Variants in RERE observed in about 807,000 individuals in gnomAD.
The protein encoded by RERE is arginine-glutamic acid dipeptide repeats, also known as arginine-glutamic acid dipeptide repeats protein.
In RERE, 40 loss-of-function variants were observed where a neutral mutation model predicts 146.1. The ratio of observed to expected loss-of-function variants is 0.27; its 90% CI spans 0.21 to 0.36. The LOEUF (loss-of-function observed/expected upper bound fraction) is 0.36. Among genes scored for constraint, RERE ranks in the 10% least tolerant of loss-of-function variants. The pLI, the probability that RERE is intolerant of heterozygous loss-of-function variation, is 1.00. For missense variants in RERE, 1,933 were observed against 2,138.7 expected (o/e 0.90, Z 1.90); for synonymous variants, 1,003 against 866.0 (o/e 1.16, Z -2.78).
chr1:8,413,216 C>A (rs1643661568), intron 12 of RERE, among the ~76,000 whole-genome samples: 1 of 152,060 alleles, frequency 6.6e-6, no homozygotes, highest in Non-Finnish European at 1.5e-5. Context: ...AGGTCCCTGC[C>A]CAGAAGGCTT....
chr1:8,769,301 A>G (rs1425330012), intron 1 of RERE, among the ~76,000 whole-genome samples: 4 of 152,206 alleles, frequency 2.6e-5, no homozygotes, highest in African/African-American at 9.6e-5. Flanking sequence ...GATTTAAAAT[A>G]CTGCACTTCC....
In RERE at chr1:8,356,387, G is replaced by A. The variant is rs532539267; in HGVS notation, c.4340-141C>T. The A allele has an allele frequency of 4.9e-6, 5 of 1,023,314 alleles. No individual in the cohort carries two copies. The highest frequency in any genetic ancestry group is 6.6e-5 in the East Asian group (2 of 30,458). 63.4% of individuals were successfully genotyped at this position (1,023,314 alleles called of 1,614,324 possible). ...GGCTGGATGCACCACCTGGCTACAG[G>A]TGGCCCTGCCCCAAAGTGGCTGCCT... On this transcript the variant is annotated intron_variant, in intron 20 of 22. Coordinates refer to ENST00000400908, the MANE Select transcript of RERE (RefSeq NM_001042681.2). This position sits in a 1 kb window ranked among gnomAD's most constrained non-coding sequence, Gnocchi z 5.2.
At chr1:8,649,729 CAA>C (rs112009419) in intron 2 of RERE, among the ~76,000 whole-genome samples, 2,093 of 78,672 alleles carry the variant, frequency 0.027, 46 homozygotes, top group African/African-American at 0.092. Flanking sequence ...GACTCCGTCT[CAA>C]AAAAAAAAAA....
chr1:8,695,293 C>G (rs1022697986), intron 1 of RERE, among the ~76,000 whole-genome samples: 3 of 151,482 alleles, frequency 2.0e-5, no homozygotes, highest in African/African-American at 7.3e-5. Flanking sequence ...AAATGCAAGA[C>G]CACAAACTGT....
chr1:8,569,166 T>C (rs755677826), intron 4 of RERE, among the ~76,000 whole-genome samples: 1 of 150,170 alleles, frequency 6.7e-6, no homozygotes, highest in Non-Finnish European at 1.5e-5. Flanking sequence ...AAGAAAAAAA[T>C]AGCTATTCGT....
intron 11 of RERE, among the ~76,000 whole-genome samples, chr1:8,459,426 G>C (rs1290854939): frequency 6.6e-6 from 1 of 152,158 alleles, no homozygotes; most frequent in Non-Finnish European, 1.5e-5. Context: ...TAGTAGAGAG[G>C]AGAATCTACT....
intron 1 of RERE, among the ~76,000 whole-genome samples, chr1:8,688,821 T>G (rs1457058741): frequency 1.3e-5 from 2 of 152,248 alleles, no homozygotes; most frequent in African/African-American, 4.8e-5. Context: ...TGTAGGCTAA[T>G]GCAAGTGTTC....
At chr1:8,428,997 T>C (rs1371392989) in intron 11 of RERE, among the ~76,000 whole-genome samples, 2 of 152,124 alleles carry the variant, frequency 1.3e-5, no homozygotes, top group Admixed American at 6.5e-5. Flanking sequence ...AGCATCACCA[T>C]TAACCTACTG....
chr1:8,443,228 C>T lies in RERE; in HGVS notation c.1204-20421G>A, dbSNP rs189480927. Among the ~76,000 whole-genome samples the T allele has an allele frequency of 3.3e-3, 503 of 152,066 alleles. 2 individuals carry two copies. Among genetic ancestry groups the T allele is most frequent in the Middle Eastern group, 6.8e-3 (2 of 294 alleles). ...CTGTAATCCCAGCACTTTGAGAGGC[C>T]GCGGCGGGTGGATCATGAGGTCAGG... On this transcript the variant is annotated intron_variant, in intron 11 of 22. Transcript: ENST00000400908.
chr1:8,411,748 G>A (rs967731373), intron 12 of RERE, among the ~76,000 whole-genome samples: 1 of 152,026 alleles, frequency 6.6e-6, no homozygotes, highest in Non-Finnish European at 1.5e-5. Flanking sequence ...AAAGGTTTTG[G>A]TTTTTAGAAA....
At chr1:8,776,883 C>A (rs1413137391) in intron 1 of RERE, among the ~76,000 whole-genome samples, 1 of 151,292 alleles carries the variant, frequency 6.6e-6, no homozygotes, top group African/African-American at 2.4e-5. Context: ...CCATGGCCAA[C>A]TAATTTTTTT....
chr1:8,612,802 A>C (rs1160145863), intron 4 of RERE, among the ~76,000 whole-genome samples: 2 of 152,224 alleles, frequency 1.3e-5, no homozygotes, highest in Non-Finnish European at 1.5e-5. Context: ...CTGAAGCTTT[A>C]GAAGTAGGTA....
chr1:8,397,940 T>C (rs920163086), intron 12 of RERE, among the ~76,000 whole-genome samples: 4 of 152,248 alleles, frequency 2.6e-5, no homozygotes, highest in African/African-American at 9.6e-5. Flanking sequence ...GGCACCATGA[T>C]GAAGATAATG....
chr1:8,692,906 TCCGCTTACAA>T (rs1413985400), intron 1 of RERE, among the ~76,000 whole-genome samples: 2 of 152,194 alleles, frequency 1.3e-5, no homozygotes, highest in African/African-American at 4.8e-5. Context: ...GTTTATGCTT[TCCGCTTACAA>T]GACAGAGTAT....
rs756865447 is a variant in RERE at position 8,360,894 on chromosome 1, G to A, written c.2613C>T (p.Pro871=). 73 of 1,505,416 alleles carry A rather than the reference G, an allele frequency of 4.8e-5. No individual in the cohort carries two copies. The highest frequency in any genetic ancestry group is 6.5e-5 in the Admixed American group (3 of 46,342). The allele number at this position is 1,505,416 out of a possible 1,614,324, so 93.3% of individuals were successfully genotyped here. ...GGGAGGCCTGGGGAGGGAGGCCAAA[G>A]GGCTGTGGGGGGCCTGGGTGCTGCA... is the stretch of plus-strand genomic sequence containing the variant. ...PLLQHPGPPQ[P]FGLPPQASQG... The change falls in exon 18 of 23, where the codon CCC becomes CCT. Residue 871 remains proline, a synonymous_variant. Transcript: ENST00000400908.
chr1:8,399,186 T>A (rs1180792734), intron 12 of RERE, among the ~76,000 whole-genome samples: 5 of 152,044 alleles, frequency 3.3e-5, no homozygotes, highest in Non-Finnish European at 7.4e-5. Context: ...TTTCTCACTT[T>A]ATGGTTTCCT....
At chr1:8,664,216 G>T (rs1025175450) in intron 1 of RERE, among the ~76,000 whole-genome samples, 1 of 152,050 alleles carries the variant, frequency 6.6e-6, no homozygotes, top group African/African-American at 2.4e-5. Context: ...AGCTGACAGG[G>T]GCTGGCCACA....
At chr1:8,650,900 A>AC (rs902255787) in intron 2 of RERE, among the ~76,000 whole-genome samples, 2 of 150,632 alleles carry the variant, frequency 1.3e-5, no homozygotes, top group Admixed American at 1.3e-4. Flanking sequence ...CATCTCAAAA[A>AC]AAAATAAAAA....
intron 1 of RERE, among the ~76,000 whole-genome samples, chr1:8,785,958 T>G (rs1641252471): frequency 6.6e-6 from 1 of 151,988 alleles, no homozygotes; most frequent in African/African-American, 2.4e-5. Context: ...GGTAAGACTT[T>G]CACATCTCAG....
Sources: gnomAD v4.1 joint callset for allele counts (sites outside exome capture counted in the v4.1 genomes callset) on GRCh38, gnomAD v4.1.1 for gene constraint, Gnocchi (gnomAD v3.1) non-coding constraint, MANE v1.5 for transcripts, NCBI Gene and HGNC (gene_info 2026-07-23, HGNC 2026-07-21) for gene names.